Variants in FCHO1 observed in about 807,000 individuals in gnomAD.
The protein encoded by FCHO1 is FCH and mu domain containing endocytic adaptor 1.
FCHO1 carries 45 observed loss-of-function variants against 114.4 expected under a neutral mutation model. The observed-to-expected ratio is 0.39, with a 90% CI of 0.31 to 0.50. The LOEUF (loss-of-function observed/expected upper bound fraction) is 0.50, where lower values mean the gene tolerates loss of function less well. Among genes scored for constraint, FCHO1 ranks in the 20% least tolerant of loss-of-function variants. The pLI, the probability that FCHO1 is intolerant of heterozygous loss-of-function variation, is 0.77. For missense variants in FCHO1, 1,042 were observed against 1,209.6 expected, an observed-to-expected ratio of 0.86 and a Z score of 2.06; for synonymous variants, 480 against 488.9, an observed-to-expected ratio of 0.98 and a Z score of 0.24.
chr19:17,783,068 C>T lies in FCHO1; in HGVS notation c.1989C>T (p.Ile663=), dbSNP rs527289082. Residue 663 remains isoleucine (I), a synonymous_variant, in exon 24 of 29, where the codon ATC becomes ATT. Coordinates refer to ENST00000596536, the MANE Select transcript of FCHO1 (RefSeq NM_015122.3). ...GELTMTFPAG[I]VRVFSGTPPP... is the part of the protein sequence containing the mutation. ...TGACCATGACCTTCCCTGCTGGCATCGTGCGTGTGTTCAGCGGGACCCCAC... is the reference window on the plus strand; with the variant it reads ...TGACCATGACCTTCCCTGCTGGCATTGTGCGTGTGTTCAGCGGGACCCCAC... 1.1e-5 allele frequency: 17 copies of T among 1,614,122 alleles called. 1 individual carries two copies. Among genetic ancestry groups the T allele is most frequent in the South Asian group, 4.4e-5 (4 of 91,080 alleles).
chr19:17,750,031 T>C (rs1047983782), upstream of FCHO1, among the ~76,000 whole-genome samples: 5 of 152,148 alleles, frequency 3.3e-5, no homozygotes, highest in African/African-American at 9.7e-5. Context: ...ACCACTCGAT[T>C]CCCAGGATGG....
chr19:17,787,163 G>A (rs1230034297), intron 27 of FCHO1, among the ~76,000 whole-genome samples: 1 of 142,598 alleles, frequency 7.0e-6, no homozygotes, highest in Non-Finnish European at 1.5e-5. Flanking sequence ...GGTGAAGGTT[G>A]TAGTGAGCCG....
chr19:17,750,866 C>T (rs1478970549), upstream of FCHO1, among the ~76,000 whole-genome samples: 7 of 146,530 alleles, frequency 4.8e-5, no homozygotes, highest in African/African-American at 1.8e-4. Context: ...CGCTCTGTCG[C>T]CAGGCTGGAG....
chr19:17,763,188 C>T (rs1478983320), intron 5 of FCHO1, among the ~76,000 whole-genome samples: 1 of 151,634 alleles, frequency 6.6e-6, no homozygotes, highest in African/African-American at 2.4e-5. Context: ...CCTCGAACTC[C>T]TGAGTTCAAG....
intron 7 of FCHO1, 115 bp from the exon 8 acceptor site, chr19:17,770,310 C>T (rs2091105282): frequency 1.7e-6 from 2 of 1,168,704 alleles, no homozygotes; most frequent in South Asian, 3.5e-5. Flanking sequence ...TAAAAAAAAC[C>T]AAACCAAAAC....
At chr19:17,782,134 C>T (rs760880422) in intron 23 of FCHO1, among the ~76,000 whole-genome samples, 5 of 152,044 alleles carry the variant, frequency 3.3e-5, no homozygotes, top group African/African-American at 4.8e-5. Flanking sequence ...CTCAGCCTCC[C>T]GAGTAGCTGG....
In FCHO1 at chr19:17,766,776, G is replaced by A. The variant is rs779364469; in HGVS notation, c.302G>A (p.Arg101His). 2.5e-5 allele frequency: 40 copies of A among 1,614,122 alleles called. 1 individual carries two copies. In the East Asian group the frequency reaches 7.1e-4, roughly 29 times the overall value. The change falls in exon 7 of 29, where the codon CGC becomes CAC. Residue 101 changes from arginine to histidine, a missense_variant. Physicochemically the swap from Arg to His is conservative, Grantham distance 29. Transcript: ENST00000596536. ...CAGGATCTCATCAAGGACGTTCTCC[G>A]CTACGGCGAGGAACAGCTCAAGACC... ...KLQDLIKDVL[R>H]YGEEQLKTHK...
At chr19:17,758,484 G>C (rs1460303301) in intron 4 of FCHO1, among the ~76,000 whole-genome samples, 4 of 152,160 alleles carry the variant, frequency 2.6e-5, no homozygotes, top group Admixed American at 2.6e-4. Flanking sequence ...AGATGAGGCT[G>C]GAGCAGCAAT....
intron 18 of FCHO1, 148 bp from the exon 19 acceptor site, chr19:17,777,989 A>G (rs1374663342): frequency 3.4e-6 from 2 of 590,342 alleles, no homozygotes; most frequent in East Asian, 5.7e-5. Context: ...CAGCAAGCTG[A>G]GATCGTGCCA....
At chr19:17,752,950 C>T (rs1204972056) in intron 1 of FCHO1, among the ~76,000 whole-genome samples, 2 of 151,898 alleles carry the variant, frequency 1.3e-5, no homozygotes, top group Non-Finnish European at 2.9e-5. Flanking sequence ...ATTATTCAGG[C>T]GTGAGCCTGT....
intron 26 of FCHO1, among the ~76,000 whole-genome samples, chr19:17,785,903 G>A (rs1441877163): frequency 4.0e-5 from 6 of 151,530 alleles, no homozygotes; most frequent in Non-Finnish European, 7.4e-5. Context: ...TGAGACAGAA[G>A]GATCACTTGA....
chr19:17,787,877 C>T (rs1216102011), intron 28 of FCHO1, 31 bp downstream of exon 28: 1 of 1,600,310 alleles, frequency 6.2e-7, no homozygotes, highest in African/African-American at 1.3e-5. Flanking sequence ...TGGGTGACCT[C>T]AGGAGCCGAG....
intron 4 of FCHO1, among the ~76,000 whole-genome samples, chr19:17,761,809 C>T (rs888415959): frequency 5.3e-5 from 8 of 150,978 alleles, no homozygotes; most frequent in East Asian, 1.9e-4. Context: ...TACAGGGGTG[C>T]GCCACCATGC....
At chr19:17,767,584 CAA>C (rs1491441243) in intron 7 of FCHO1, among the ~76,000 whole-genome samples, 48 of 95,712 alleles carry the variant, frequency 5.0e-4, no homozygotes, top group African/African-American at 1.5e-3. Flanking sequence ...AAAAAAAAAA[CAA>C]GAGAGAGAGA....
At chr19:17,758,403 T>C (rs1032132048) in intron 4 of FCHO1, among the ~76,000 whole-genome samples, 1 of 151,850 alleles carries the variant, frequency 6.6e-6, no homozygotes, top group Non-Finnish European at 1.5e-5. Flanking sequence ...CTGGACAAAA[T>C]GTGGTGGTGG....
chr19:17,783,001 C>A lies in FCHO1; in HGVS notation c.1938-16C>A. Reference sequence around the variant, plus strand: ...CAGAGCCCTAAGCCAACACCCAGTCCCCTCATCCTCCCTAGCTGCCTGGCT... The same window carrying A: ...CAGAGCCCTAAGCCAACACCCAGTCACCTCATCCTCCCTAGCTGCCTGGCT... On this transcript the variant is annotated splice_polypyrimidine_tract_variant and intron_variant, in intron 23 of 28. Transcript: ENST00000596536. 1.2e-6 allele frequency: 2 copies of A among 1,613,032 alleles called. No homozygotes were observed. The highest frequency in any genetic ancestry group is 1.7e-6 in the Non-Finnish European group (2 of 1,179,342).
chr19:17,759,093 G>C (rs2084990534), intron 4 of FCHO1, among the ~76,000 whole-genome samples: 1 of 152,128 alleles, frequency 6.6e-6, no homozygotes. Flanking sequence ...TGCTGCCAGA[G>C]GGATGGCTTC....
rs2087222900 is a variant in FCHO1, at chr19:17,763,410, C to T, written c.119+557C>T. Among the ~76,000 whole-genome samples the T allele has an allele frequency of 2.0e-5, 3 of 151,704 alleles. No individual in the cohort carries two copies. The South Asian group carries it at 6.3e-4, about 32-fold the overall frequency. ...TCCCAAGTAGCTGAGACTACAGGTG[C>T]CTGCCACCACGTCTGGCTAATTTTT... On this transcript the variant is annotated intron_variant, in intron 5 of 28. Transcript: ENST00000596536.
intron 26 of FCHO1, among the ~76,000 whole-genome samples, chr19:17,786,029 G>A (rs113428003): frequency 3.3e-5 from 5 of 150,842 alleles, no homozygotes; most frequent in African/African-American, 9.7e-5. Flanking sequence ...GACAGAATGC[G>A]TCATCTAAAA....
Sources: gnomAD v4.1 joint callset for allele counts (sites outside exome capture counted in the v4.1 genomes callset) on GRCh38, gnomAD v4.1.1 for gene constraint, MANE v1.5 for transcripts, NCBI Gene and HGNC (gene_info 2026-07-23, HGNC 2026-07-21) for gene names.